METTL15: variants seen among roughly 807,000 people sequenced by gnomAD.
METTL15 encodes the protein 12S rRNA N(4)-cytidine methyltransferase METTL15.
In METTL15, 34 loss-of-function variants were observed where a neutral mutation model predicts 38.3. The ratio of observed to expected loss-of-function variants is 0.89; its 90% CI spans 0.68 to 1.18. METTL15 has a LOEUF of 1.18. Ranked by LOEUF, METTL15 falls within the 50% of genes most tolerant of loss-of-function variation. The probability of loss-of-function intolerance (pLI) is 0.00; values close to 1 mark genes in which losing one functional copy is unlikely to be tolerated. For missense variants in METTL15, 438 were observed against 498.4 expected (o/e 0.88, Z 1.15); for synonymous variants, 162 against 170.9 (o/e 0.95, Z 0.41).
intron 5 of METTL15, among the ~76,000 whole-genome samples, chr11:28,394,442 C>T (rs1439444193): frequency 2.0e-5 from 3 of 151,906 alleles, no homozygotes; most frequent in Non-Finnish European, 2.9e-5. Flanking sequence ...TCTTTTCTGC[C>T]CTCTTTTTGT....
At chr11:28,221,562 G>T (rs1199286637) in intron 4 of METTL15, among the ~76,000 whole-genome samples, 1 of 152,080 alleles carries the variant, frequency 6.6e-6, no homozygotes, top group Non-Finnish European at 1.5e-5. Context: ...CTCTCAACTT[G>T]TCAAAGTCAT....
chr11:28,129,714 A>T (rs1013642858), intron 3 of METTL15, among the ~76,000 whole-genome samples: 3 of 152,172 alleles, frequency 2.0e-5, no homozygotes, highest in Non-Finnish European at 2.9e-5. Context: ...TCAGCCCCTT[A>T]TAATTAGTTT....
intron 6 of METTL15, chr11:28,517,035 G>T (rs141147701): frequency 5.9e-5 from 9 of 152,314 alleles, no homozygotes; most frequent in African/African-American, 2.2e-4. Context: ...TTTCAGTGAT[G>T]GGAACATCGA....
chr11:28,339,334 G>A (rs1292075843), intron 3 of METTL15, among the ~76,000 whole-genome samples: 2 of 152,018 alleles, frequency 1.3e-5, no homozygotes, highest in Non-Finnish European at 2.9e-5. Flanking sequence ...CACACACAAT[G>A]CTGTACATAA....
chr11:28,381,140 C>T (rs1850378887), intron 5 of METTL15, among the ~76,000 whole-genome samples: 1 of 152,058 alleles, frequency 6.6e-6, no homozygotes, highest in South Asian at 2.1e-4. Flanking sequence ...GTAGCTGTGA[C>T]TACAGGCATG....
chr11:28,295,576 G>T (rs377716277), intron 5 of METTL15, among the ~76,000 whole-genome samples: 9 of 151,794 alleles, frequency 5.9e-5, no homozygotes, highest in African/African-American at 1.9e-4. Flanking sequence ...CTCCAGCCTG[G>T]GCAACAAGAG....
At chr11:28,227,232 G>A (rs990652344) in intron 4 of METTL15, among the ~76,000 whole-genome samples, 3 of 151,804 alleles carry the variant, frequency 2.0e-5, no homozygotes, top group Admixed American at 1.3e-4. Context: ...GACGGTTCCA[G>A]AGGGATTAAG....
At chr11:28,219,013 A>C (rs1853051309) in intron 4 of METTL15, among the ~76,000 whole-genome samples, 1 of 152,102 alleles carries the variant, frequency 6.6e-6, no homozygotes, top group African/African-American at 2.4e-5. Flanking sequence ...TATTGTTCTA[A>C]AATTCTCTTT....
intron 6 of METTL15, among the ~76,000 whole-genome samples, chr11:28,475,267 G>A (rs1043906740): frequency 6.6e-6 from 1 of 152,214 alleles, no homozygotes; most frequent in Non-Finnish European, 1.5e-5. Flanking sequence ...GGTAATTCAT[G>A]TTGATACTCT....
rs565802879 is a variant in METTL15 at position 28,391,381 on chromosome 11, C to G, written c.*358+29345C>G. Reference sequence around the variant, plus strand: ...GGCTGTGGGTTTGTCATAGATAGCTCTTATTATTTTGAGATACGTCCCATC... The same window carrying G: ...GGCTGTGGGTTTGTCATAGATAGCTGTTATTATTTTGAGATACGTCCCATC... On this transcript the variant is annotated intron_variant and NMD_transcript_variant, in intron 5 of 7. Coordinates refer to the METTL15 transcript ENST00000532947. Among the ~76,000 whole-genome samples, 14 of 152,016 alleles carry G rather than the reference C, an allele frequency of 9.2e-5. No individual in the cohort carries two copies. In the East Asian group the frequency reaches 2.5e-3, roughly 27 times the overall value.
At chr11:28,161,567 A>G (rs977531584) in intron 3 of METTL15, among the ~76,000 whole-genome samples, 1 of 152,212 alleles carries the variant, frequency 6.6e-6, no homozygotes, top group Non-Finnish European at 1.5e-5. Context: ...TTTTAGCCAA[A>G]GAAGGAAAAC....
In METTL15 at chr11:28,512,855, G is replaced by A. The variant is rs558801763; in HGVS notation, c.*425-13623G>A. 4.6e-5 allele frequency among the ~76,000 whole-genome samples: 7 copies of A among 152,322 alleles called. No individual in the cohort carries two copies. In the South Asian group the frequency reaches 1.2e-3, roughly 27 times the overall value. On this transcript the variant is annotated intron_variant and NMD_transcript_variant, in intron 6 of 7. Coordinates refer to the METTL15 transcript ENST00000532947. ...CCCAGGCAGAGGAGGCACTGAGAACGAGCAAGGGCTGCGAGGGCTGCCAGC... is the reference window on the plus strand; with the variant it reads ...CCCAGGCAGAGGAGGCACTGAGAACAAGCAAGGGCTGCGAGGGCTGCCAGC...
intron 3 of METTL15, among the ~76,000 whole-genome samples, chr11:28,184,751 C>T (rs1268058300): frequency 6.6e-6 from 1 of 151,334 alleles, no homozygotes; most frequent in Non-Finnish European, 1.5e-5. Flanking sequence ...CAGATATGTC[C>T]ATATCTGTTC....
chr11:28,150,418 C>T (rs1295988679), intron 3 of METTL15, among the ~76,000 whole-genome samples: 3 of 151,896 alleles, frequency 2.0e-5, no homozygotes, highest in Non-Finnish European at 4.4e-5. Context: ...GATAAAGCTT[C>T]ACTAACACCT....
intron 6 of METTL15, among the ~76,000 whole-genome samples, chr11:28,518,744 G>C (rs892211206): frequency 6.6e-6 from 1 of 152,200 alleles, no homozygotes; most frequent in Non-Finnish European, 1.5e-5. Context: ...TCCTAAGTTA[G>C]AGGCAACCTT....
At chr11:28,295,980 A>G (rs905413272) in intron 5 of METTL15, among the ~76,000 whole-genome samples, 6 of 152,226 alleles carry the variant, frequency 3.9e-5, no homozygotes, top group African/African-American at 1.4e-4. Context: ...TCTTTGGCCC[A>G]TTTCCCTAAG....
At chr11:28,333,659 T>A (rs1849872322), downstream of METTL15, among the ~76,000 whole-genome samples, 1 of 152,010 alleles carries the variant, frequency 6.6e-6, no homozygotes, top group African/African-American at 2.4e-5. Flanking sequence ...ATTTTTAAAA[T>A]TGTATATTAA....
chr11:28,307,120 A>T (rs1228775027), intron 6 of METTL15, among the ~76,000 whole-genome samples: 2 of 151,898 alleles, frequency 1.3e-5, no homozygotes, highest in Non-Finnish European at 2.9e-5. Context: ...CTAATCACTT[A>T]GAATCACTTC....
chr11:28,197,581 G>C, intron 3 of METTL15: 1 of 430,088 alleles, frequency 2.3e-6, no homozygotes, highest in Non-Finnish European at 4.8e-6. Flanking sequence ...GGATTTCCTG[G>C]TGGTATAGTA....
Sources: allele counts gnomAD v4.1 joint callset (sites outside exome capture counted in the v4.1 genomes callset), GRCh38; gene constraint gnomAD v4.1.1; transcripts MANE v1.5; gene names NCBI Gene and HGNC (gene_info 2026-07-23, HGNC 2026-07-21).